SANBR: variants seen among roughly 807,000 people sequenced by gnomAD.
SANBR encodes SANT and BTB domain regulator of class switch recombination.
In SANBR, 77 loss-of-function variants were observed where a neutral mutation model predicts 101.8. The ratio of observed to expected loss-of-function variants is 0.76; its 90% CI spans 0.63 to 0.91. The LOEUF is 0.91. SANBR is among the 40% of genes least tolerant of loss of function. SANBR has a pLI of 0.00. For synonymous variants in SANBR, 279 were observed against 274.7 expected (o/e 1.02, Z -0.15); for missense variants, 875 against 853.0 (o/e 1.03, Z -0.32).
rs530273129 is a variant in SANBR, at chr2:61,108,866, A to G, written c.1645-331A>G. Among the ~76,000 whole-genome samples the G allele has an allele frequency of 5.9e-5, 9 of 152,306 alleles. No individual in the cohort carries two copies. The South Asian group carries it at 1.9e-3, about 32-fold the overall frequency. Reference sequence around the variant, plus strand: ...TGCTTGTTTATAAGACTACTTTAATATTGGTGGTTACTATATTGTAATTTA... The same window carrying G: ...TGCTTGTTTATAAGACTACTTTAATGTTGGTGGTTACTATATTGTAATTTA... On this transcript the variant is annotated intron_variant, in intron 15 of 21. Transcript: ENST00000402291.
chr2:61,067,376 T>C (rs1642832144), intron 1 of SANBR, among the ~76,000 whole-genome samples: 1 of 152,212 alleles, frequency 6.6e-6, no homozygotes, highest in Non-Finnish European at 1.5e-5. Context: ...AGAAATGAGC[T>C]CTCAGGGAAG....
intron 6 of SANBR, among the ~76,000 whole-genome samples, chr2:61,079,432 AAAAT>A (rs775337331): frequency 3.9e-5 from 6 of 152,216 alleles, no homozygotes; most frequent in African/African-American, 1.4e-4. Flanking sequence ...ACTCTTATGG[AAAAT>A]AAATCTATGC....
At chr2:61,135,763 T>C (rs2104998043) in intron 21 of SANBR, among the ~76,000 whole-genome samples, 1 of 152,248 alleles carries the variant, frequency 6.6e-6, no homozygotes, top group Non-Finnish European at 1.5e-5. Flanking sequence ...TACTGGGAAA[T>C]AGCTGATAAG....
At chr2:61,084,180 C>G (rs1000416859) in intron 8 of SANBR, among the ~76,000 whole-genome samples, 1 of 152,096 alleles carries the variant, frequency 6.6e-6, no homozygotes, top group Non-Finnish European at 1.5e-5. Context: ...TCTTGAACTC[C>G]TGGGCTCAAG....
intron 6 of SANBR, among the ~76,000 whole-genome samples, chr2:61,079,690 G>T (rs1213132076): frequency 6.6e-6 from 1 of 152,094 alleles, no homozygotes; most frequent in East Asian, 1.9e-4. Flanking sequence ...TGTAGTAAAG[G>T]TAAAAGAAAT....
At chr2:61,134,297 G>A in intron 21 of SANBR, 3 of 1,541,432 alleles carry the variant, frequency 1.9e-6, no homozygotes, top group South Asian at 1.2e-5. Context: ...AAAAATGTTA[G>A]CTATTATTAG....
At chr2:61,100,517 A>G (rs1205199950) in intron 12 of SANBR, among the ~76,000 whole-genome samples, 2 of 152,206 alleles carry the variant, frequency 1.3e-5, no homozygotes, top group Non-Finnish European at 2.9e-5. Flanking sequence ...GATCTTAAGC[A>G]CATTTAGTGG....
chr2:61,126,769 C>CAAAA (rs34858449), downstream of SANBR, among the ~76,000 whole-genome samples: 1 of 109,168 alleles, frequency 9.2e-6, no homozygotes, highest in African/African-American at 3.3e-5. Context: ...GCCACTGTCT[C>CAAAA]AAAAAAAAAA....
intron 5 of SANBR, among the ~76,000 whole-genome samples, chr2:61,076,609 CAG>C (rs1192090432): frequency 3.9e-4 from 53 of 136,218 alleles, no homozygotes; most frequent in African/African-American, 1.3e-3. Flanking sequence ...GCCTGGGTGA[CAG>C]AGAGAGACTC....
chr2:61,087,088 CA>C (rs1682473279), intron 8 of SANBR, among the ~76,000 whole-genome samples: 1 of 152,134 alleles, frequency 6.6e-6, no homozygotes, highest in Non-Finnish European at 1.5e-5. Context: ...TCTTTAAAAA[CA>C]TCACTTAACC....
In SANBR at chr2:61,108,142, G is replaced by C. The variant is rs367615742; in HGVS notation, c.1612-175G>C. On this transcript the variant is annotated intron_variant, in intron 14 of 21. Transcript: ENST00000402291. ...AAAACATCCACATCCTCCTCTAGCA[G>C]AGGATATTAAAGACTGTAACATATC... 5.9e-5 allele frequency among the ~76,000 whole-genome samples: 9 copies of C among 152,294 alleles called. No homozygotes were observed. In the East Asian group the frequency reaches 9.6e-4, roughly 16 times the overall value.
chr2:61,113,895 C>G (rs1055115293), intron 16 of SANBR, among the ~76,000 whole-genome samples: 1 of 152,118 alleles, frequency 6.6e-6, no homozygotes, highest in Non-Finnish European at 1.5e-5. Context: ...AATGTCCTTT[C>G]TCAGTTGAGA....
intron 20 of SANBR, among the ~76,000 whole-genome samples, chr2:61,129,771 G>A (rs1034500334): frequency 2.0e-5 from 3 of 151,686 alleles, no homozygotes; most frequent in African/African-American, 7.3e-5. Flanking sequence ...TGTATTTATA[G>A]GCTAATGCAA....
chr2:61,136,408 G>C (rs1684850093), intron 21 of SANBR, among the ~76,000 whole-genome samples: 1 of 151,872 alleles, frequency 6.6e-6, no homozygotes, highest in South Asian at 2.1e-4. Flanking sequence ...GCCGAGGTGG[G>C]TGGACCACGA....
chr2:61,092,455 T>C lies in SANBR; in HGVS notation c.1089-9T>C. ...TCACTTGCTTGTAAAATTGAGGCTC[T>C]TTCTCCAGAGATAAGACATGGGATG... On this transcript the variant is annotated splice_polypyrimidine_tract_variant and intron_variant, in intron 10 of 21. Transcript: ENST00000402291. 6.5e-7 allele frequency: 1 copy of C among 1,531,540 alleles called. No individual in the cohort carries two copies. The highest frequency in any genetic ancestry group is 8.7e-7 in the Non-Finnish European group (1 of 1,144,450). 94.9% of individuals were successfully genotyped at this position (1,531,540 alleles called of 1,614,324 possible). A position where few individuals can be genotyped will look rare whatever the true frequency, so the allele number is the denominator to read the frequency against.
At chr2:61,098,708 A>T (rs1453051083) in intron 12 of SANBR, among the ~76,000 whole-genome samples, 1 of 152,216 alleles carries the variant, frequency 6.6e-6, no homozygotes, top group African/African-American at 2.4e-5. Context: ...AATGTTATGT[A>T]ATTAAATGTC....
At chr2:61,119,434 A>G (rs1236874069) in intron 20 of SANBR, among the ~76,000 whole-genome samples, 2 of 152,230 alleles carry the variant, frequency 1.3e-5, no homozygotes, top group African/African-American at 4.8e-5. Flanking sequence ...CAATGAAAAG[A>G]CAAGCCATAA....
In SANBR at chr2:61,116,631, CTG is replaced by C. The variant is rs761119990; in HGVS notation, c.1836+564_1836+565del. Among the ~76,000 whole-genome samples, 7 of 152,146 alleles carry C rather than the reference CTG, an allele frequency of 4.6e-5. 1 individual carries two copies. In the South Asian group the frequency reaches 8.3e-4, roughly 18 times the overall value. On this transcript the variant is annotated intron_variant, in intron 17 of 21. Coordinates refer to ENST00000402291, the MANE Select transcript of SANBR (RefSeq NM_001129993.3). ...TAACCACCATTGGCTAAAAGAAAAA[CTG>C]TGAATTTCAAAAATGTGTGATAGGT...
At position 61,123,497 on chromosome 2, in the gene SANBR, T is replaced by C; in HGVS notation, c.*1335T>C. ...TTGTTCCCATTTATATTTGTTTCAA[T>C]TGTTTGATACTGTGGAAATAGACTT... On this transcript the variant is annotated 3_prime_UTR_variant, in exon 22 of 22. Coordinates refer to ENST00000402291, the MANE Select transcript of SANBR (RefSeq NM_001129993.3). The C allele has an allele frequency of 1.0e-6, 1 of 974,486 alleles. No homozygotes were observed. Among genetic ancestry groups the C allele is most frequent in the Non-Finnish European group, 1.2e-6 (1 of 819,846 alleles). The allele number at this position is 974,486 out of a possible 1,614,324, so 60.4% of individuals were successfully genotyped here.
Sources: allele counts gnomAD v4.1 joint callset (sites outside exome capture counted in the v4.1 genomes callset), GRCh38; gene constraint gnomAD v4.1.1; transcripts MANE v1.5; gene names NCBI Gene and HGNC (gene_info 2026-07-23, HGNC 2026-07-21).